The following DAB1 variants were observed in gnomAD, a reference collection of about 807,000 sequenced individuals.
DAB1 encodes disabled homolog 1.
A neutral mutation model predicts 64.6 loss-of-function variants in DAB1; 15 were observed. The ratio of observed to expected loss-of-function variants is 0.23; its 90% CI spans 0.16 to 0.36. The LOEUF is 0.36. DAB1 is among the 10% of genes least tolerant of loss of function. The probability of loss-of-function intolerance (pLI) is 1.00; values close to 1 mark genes in which losing one functional copy is unlikely to be tolerated. For synonymous variants in DAB1, 235 were observed against 251.9 expected (o/e 0.93, Z 0.64); for missense variants, 596 against 706.7 (o/e 0.84, Z 1.78).
intron 6 of DAB1, among the ~76,000 whole-genome samples, chr1:57,764,974 T>A (rs1336692643): frequency 1.3e-5 from 2 of 152,210 alleles, no homozygotes; most frequent in Non-Finnish European, 2.9e-5. Flanking sequence ...ATGGAAATAC[T>A]GAGGTATCCA....
At chr1:57,399,084 G>C (rs1266609068) in intron 1 of DAB1, among the ~76,000 whole-genome samples, 1 of 151,730 alleles carries the variant, frequency 6.6e-6, no homozygotes, top group East Asian at 1.9e-4. Context: ...GCATAAGCCA[G>C]AGTTGAGGAA....
intron 7 of DAB1, among the ~76,000 whole-genome samples, chr1:57,603,905 G>T (rs907303833): frequency 2.0e-5 from 3 of 152,184 alleles, no homozygotes; most frequent in Non-Finnish European, 2.9e-5. Context: ...TCAGAAGTGT[G>T]CACACAGTAT....
chr1:57,756,841 T>C lies in DAB1; in HGVS notation n.552-107176A>G, dbSNP rs535586070. On this transcript the variant is annotated intron_variant and non_coding_transcript_variant, in intron 6 of 20. Coordinates refer to the DAB1 transcript ENST00000485760. ...GGTCCAAACCCTGTAATCTTTTTAATGTACCCCCACTTTCCCTACCATATG... is the reference window on the plus strand; with the variant it reads ...GGTCCAAACCCTGTAATCTTTTTAACGTACCCCCACTTTCCCTACCATATG... Among the ~76,000 whole-genome samples, 7 of 144,992 alleles carry C rather than the reference T, an allele frequency of 4.8e-5. No individual in the cohort carries two copies. The South Asian group carries it at 1.3e-3, about 27-fold the overall frequency.
At chr1:57,419,316 C>T (rs1168039844) in intron 1 of DAB1, among the ~76,000 whole-genome samples, 1 of 152,154 alleles carries the variant, frequency 6.6e-6, no homozygotes, top group Non-Finnish European at 1.5e-5. Flanking sequence ...GCCTAATATT[C>T]TTTCAATCTG....
chr1:57,961,581 C>A (rs992516725), intron 5 of DAB1, among the ~76,000 whole-genome samples: 1 of 152,196 alleles, frequency 6.6e-6, no homozygotes, highest in African/African-American at 2.4e-5. Flanking sequence ...GTTGAAATGA[C>A]AGCAAGCACA....
chr1:57,191,667 C>T (rs574172599), intron 2 of DAB1, among the ~76,000 whole-genome samples: 59 of 152,250 alleles, frequency 3.9e-4, no homozygotes, highest in African/African-American at 1.4e-3. Context: ...AACAGTGGTG[C>T]CTCAGGGTAG....
At chr1:58,360,362 G>C (rs185980973) in intron 3 of DAB1, among the ~76,000 whole-genome samples, 36 of 152,270 alleles carry the variant, frequency 2.4e-4, no homozygotes, top group African/African-American at 8.7e-4. Flanking sequence ...AAGCTGTTTT[G>C]TGACTATAAA....
intron 4 of DAB1, among the ~76,000 whole-genome samples, chr1:58,323,138 T>C (rs1310755252): frequency 3.3e-5 from 5 of 151,916 alleles, no homozygotes; most frequent in African/African-American, 1.2e-4. Context: ...ATACCTAACG[T>C]AAATGACGAC....
chr1:57,714,037 T>A (rs1051376741), intron 6 of DAB1, among the ~76,000 whole-genome samples: 4 of 152,088 alleles, frequency 2.6e-5, no homozygotes, highest in African/African-American at 9.7e-5. Flanking sequence ...ACAACTACAT[T>A]CCAGCCCTCA....
chr1:57,642,569 G>A (rs1646143115), intron 7 of DAB1, among the ~76,000 whole-genome samples: 1 of 151,996 alleles, frequency 6.6e-6, no homozygotes, highest in Admixed American at 6.6e-5. Flanking sequence ...TCAACTCTAG[G>A]TGTCTCTTGG....
rs763787466 is a variant in DAB1, at chr1:58,025,651, G to GTATATA, written n.387+124854_387+124859dup. 6.1e-3 allele frequency among the ~76,000 whole-genome samples: 457 copies of GTATATA among 75,254 alleles called. 4 individuals carry two copies. The highest frequency in any genetic ancestry group is 0.013 in the African/African-American group (327 of 24,700). 49.4% of individuals were successfully genotyped at this position (75,254 alleles called of 152,430 possible). On this transcript the variant is annotated intron_variant and non_coding_transcript_variant, in intron 5 of 20. Transcript: ENST00000485760. ...AATATAATATTATATATATATGTGTGTATATATATATATATATATATATAT... is the reference window on the plus strand; with the variant it reads ...AATATAATATTATATATATATGTGTGTATATATATATATATATATATATATATATAT...
At chr1:58,138,515 G>A (rs566974841) in intron 5 of DAB1, among the ~76,000 whole-genome samples, 9 of 152,280 alleles carry the variant, frequency 5.9e-5, no homozygotes, top group Admixed American at 4.6e-4. Flanking sequence ...GGAAGCATGG[G>A]CCAGGCTCAG....
chr1:57,427,401 G>A (rs1163656255), upstream of DAB1, among the ~76,000 whole-genome samples: 2 of 152,162 alleles, frequency 1.3e-5, no homozygotes, highest in African/African-American at 4.8e-5. Context: ...GCCTGCACAT[G>A]AGCAAAATGG....
chr1:58,297,578 G>A (rs1662023025), intron 4 of DAB1, among the ~76,000 whole-genome samples: 1 of 152,096 alleles, frequency 6.6e-6, no homozygotes, highest in Non-Finnish European at 1.5e-5. Flanking sequence ...AGGAGACACA[G>A]GGAATAAAGG....
intron 7 of DAB1, among the ~76,000 whole-genome samples, chr1:57,614,959 C>G (rs535808339): frequency 3.3e-5 from 5 of 150,506 alleles, no homozygotes; most frequent in African/African-American, 1.2e-4. Flanking sequence ...CAAACTCCCT[C>G]TCCCGGGTTC....
chr1:58,387,872 G>A (rs572225353), intron 3 of DAB1, among the ~76,000 whole-genome samples: 44 of 151,858 alleles, frequency 2.9e-4, no homozygotes, highest in Non-Finnish European at 5.6e-4. Flanking sequence ...GACTACAGGC[G>A]CCCGCCACCA....
chr1:57,171,275 AAAGG>A (rs1464273948), intron 2 of DAB1, among the ~76,000 whole-genome samples: 1 of 152,198 alleles, frequency 6.6e-6, no homozygotes, highest in Non-Finnish European at 1.5e-5. Flanking sequence ...CACAAACCCC[AAAGG>A]AATACTACTT....
At chr1:58,252,775 C>G (rs1310593311) in intron 4 of DAB1, among the ~76,000 whole-genome samples, 1 of 152,198 alleles carries the variant, frequency 6.6e-6, no homozygotes, top group Admixed American at 6.5e-5. Context: ...TTCTCCTTCT[C>G]TAAGCCCAGG....
intron 1 of DAB1, among the ~76,000 whole-genome samples, chr1:57,301,924 T>G (rs558471721): frequency 1.2e-4 from 18 of 152,300 alleles, no homozygotes; most frequent in African/African-American, 4.3e-4. Context: ...CTTCTCCTTC[T>G]GGAGGGAAGA....
Sources: allele counts gnomAD v4.1 joint callset (sites outside exome capture counted in the v4.1 genomes callset), GRCh38; gene constraint gnomAD v4.1.1; transcripts MANE v1.5; gene names NCBI Gene and HGNC (gene_info 2026-07-23, HGNC 2026-07-21).